The following MYPN variants were observed in gnomAD, a reference collection of about 807,000 sequenced individuals.
MYPN encodes the protein sarcomeric protein myopalladin, 145 kDa (MYOP).
A neutral mutation model predicts 129.4 loss-of-function variants in MYPN; 63 were observed. The ratio of observed to expected loss-of-function variants is 0.49; its 90% CI spans 0.40 to 0.60. The LOEUF (loss-of-function observed/expected upper bound fraction) is 0.60, where lower values mean the gene tolerates loss of function less well. Ranked by LOEUF, MYPN falls within the 20% of genes least tolerant of loss-of-function variation. The pLI is 0.00. For missense variants in MYPN, 1,596 were observed against 1,635.4 expected, an observed-to-expected ratio of 0.98 and a Z score of 0.42; for synonymous variants, 629 against 600.9, an observed-to-expected ratio of 1.05 and a Z score of -0.68.
chr10:68,143,368 T>A (rs2042607407), intron 3 of MYPN, among the ~76,000 whole-genome samples: 1 of 152,054 alleles, frequency 6.6e-6, no homozygotes, highest in African/African-American at 2.4e-5. Flanking sequence ...CTGTGAAAGA[T>A]ACAAAAACCA....
intron 13 of MYPN, among the ~76,000 whole-genome samples, chr10:68,190,911 T>C (rs2394453): frequency 0.23 from 34,312 of 152,090 alleles, 4,129 homozygotes; most frequent in Middle Eastern, 0.28. Flanking sequence ...TATGGGTATT[T>C]AGTTTTCCTA....
chr10:68,159,180 C>T (rs989414012), intron 7 of MYPN, among the ~76,000 whole-genome samples: 1 of 152,178 alleles, frequency 6.6e-6, no homozygotes, highest in African/African-American at 2.4e-5. Context: ...CACAATTAAT[C>T]AGCCAAAATG....
At chr10:68,179,213 A>C (rs559616947) in intron 12 of MYPN, among the ~76,000 whole-genome samples, 1 of 152,276 alleles carries the variant, frequency 6.6e-6, no homozygotes, top group East Asian at 1.9e-4. Context: ...CATGCCATTC[A>C]TTCCCTTTCT....
chr10:68,103,937 T>C (rs1227046091), upstream of MYPN, among the ~76,000 whole-genome samples: 1 of 151,938 alleles, frequency 6.6e-6, no homozygotes, highest in Non-Finnish European at 1.5e-5. Flanking sequence ...GCAACAAGAG[T>C]GAAACTCTGT....
At position 68,210,224 on chromosome 10, in the gene MYPN, T is replaced by G. The variant is rs1388267490; in HGVS notation, c.3794-62T>G. 2.5e-6 allele frequency: 4 copies of G among 1,578,994 alleles called. No individual in the cohort carries two copies. In the East Asian group the frequency reaches 8.9e-5, roughly 35 times the overall value. ...TCGGGGTGAGGACAGAATGCACCTCTGCAGCGTACATGCTGGACTGCATTC... is the reference window on the plus strand; with the variant it reads ...TCGGGGTGAGGACAGAATGCACCTCGGCAGCGTACATGCTGGACTGCATTC... On this transcript the variant is annotated intron_variant, in intron 19 of 19. Transcript: ENST00000358913.
rs1316224069 is a variant in MYPN, at chr10:68,168,864, G to A, written c.1973+2198G>A. On this transcript the variant is annotated intron_variant, in intron 10 of 19. Coordinates refer to ENST00000358913, the MANE Select transcript of MYPN (RefSeq NM_032578.4). ...TCAAATTAGCCAGGTGTGGTGGCGC[G>A]TGCCTTTAATCCCAGCTACTCAGGA... 7.2e-5 allele frequency among the ~76,000 whole-genome samples: 11 copies of A among 151,878 alleles called. No homozygotes were observed. In the South Asian group the frequency reaches 1.7e-3, roughly 23 times the overall value.
chr10:68,142,153 A>G (rs1589549277), intron 2 of MYPN, among the ~76,000 whole-genome samples: 1 of 152,330 alleles, frequency 6.6e-6, no homozygotes, highest in African/African-American at 2.4e-5. Flanking sequence ...CACAGGGTTT[A>G]TGCCATTCAC....
chr10:68,182,222 A>C lies in MYPN; in HGVS notation c.2704-6683A>C, dbSNP rs529560081. Among the ~76,000 whole-genome samples, 40 of 96,556 alleles carry C rather than the reference A, an allele frequency of 4.1e-4. 1 individual carries two copies. The highest frequency in any genetic ancestry group is 1.4e-3 in the African/African-American group (39 of 27,996). The allele number at this position is 96,556 out of a possible 152,430, so 63.3% of individuals were successfully genotyped here. A position where few individuals can be genotyped will look rare whatever the true frequency, so the allele number is the denominator to read the frequency against. The stretch of plus-strand genomic sequence containing the variant: ...GGTTACTAATGTTATATATATATAT[A>C]ACACATATATATATAACATATATAT... On this transcript the variant is annotated intron_variant, in intron 12 of 19. Transcript: ENST00000358913.
chr10:68,175,187 T>C, intron 11 of MYPN, 136 bp from the exon 12 acceptor site: 1 of 953,640 alleles, frequency 1.0e-6, no homozygotes, highest in Non-Finnish European at 1.6e-6. Context: ...ATACCGATTC[T>C]CTGCACAGGG....
At chr10:68,207,714 C>T (rs1263554469) in intron 19 of MYPN, among the ~76,000 whole-genome samples, 3 of 152,164 alleles carry the variant, frequency 2.0e-5, no homozygotes, top group African/African-American at 4.8e-5. Flanking sequence ...TCCCCTCTCT[C>T]GTCCAAAGGC....
In MYPN at chr10:68,174,034, C is replaced by A. The variant is rs776839675; in HGVS notation, c.1974-32C>A. 4.6e-6 allele frequency: 7 copies of A among 1,516,204 alleles called. No individual in the cohort carries two copies. The South Asian group carries it at 7.9e-5, about 17-fold the overall frequency. The allele number at this position is 1,516,204 out of a possible 1,614,324, so 93.9% of individuals were successfully genotyped here. A position where few individuals can be genotyped will look rare whatever the true frequency, so the allele number is the denominator to read the frequency against. On this transcript the variant is annotated intron_variant, in intron 10 of 19. Transcript: ENST00000358913. ...GGTGAGGCCAATAATAACACATTTCCTTCTCTCTCTCCACCCTTGTTTTGT... is the reference window on the plus strand; with the variant it reads ...GGTGAGGCCAATAATAACACATTTCATTCTCTCTCTCCACCCTTGTTTTGT...
intron 17 of MYPN, 112 bp downstream of exon 17, chr10:68,199,687 A>C: frequency 2.8e-6 from 3 of 1,064,580 alleles, no homozygotes; most frequent in Non-Finnish European, 4.3e-6. Flanking sequence ...CTCCAATCTC[A>C]ATTTCCCCTT....
At chr10:68,136,880 A>C in intron 2 of MYPN, 2 of 872,146 alleles carry the variant, frequency 2.3e-6, no homozygotes, top group Non-Finnish European at 3.3e-6. Flanking sequence ...ATTAAAGAAC[A>C]GACCATTTTC....
chr10:68,210,817 G>A lies in MYPN; in HGVS notation c.*362G>A. The A allele has an allele frequency of 2.2e-6, 1 of 462,072 alleles. No homozygotes were observed. Among genetic ancestry groups the A allele is most frequent in the South Asian group, 1.6e-5 (1 of 64,428 alleles). The allele number at this position is 462,072 out of a possible 1,614,324, so 28.6% of individuals were successfully genotyped here. ...ATTAGGAGCCATATGCCTGGGCTGA[G>A]AAGAGCTAGGCAGTAGTGACCTTAG... On this transcript the variant is annotated 3_prime_UTR_variant, in exon 20 of 20. Coordinates refer to ENST00000358913, the MANE Select transcript of MYPN (RefSeq NM_032578.4).
In MYPN at chr10:68,195,862, G is replaced by A. The variant is rs138830170; in HGVS notation, c.3158+330G>A. On this transcript the variant is annotated intron_variant, in intron 15 of 19. Coordinates refer to ENST00000358913, the MANE Select transcript of MYPN (RefSeq NM_032578.4). The stretch of plus-strand genomic sequence containing the variant: ...TTGTTGCCCAGGCTGGAGTGCAGTC[G>A]TGTGATCATAGCTCACTGCAACCTC... Among the ~76,000 whole-genome samples, 768 of 152,056 alleles carry A rather than the reference G, an allele frequency of 5.1e-3. 4 individuals carry two copies. The highest frequency in any genetic ancestry group is 0.01 in the Middle Eastern group (3 of 294).
chr10:68,097,812 G>A (rs2041963693), intron 1 of MYPN, among the ~76,000 whole-genome samples: 1 of 151,070 alleles, frequency 6.6e-6, no homozygotes, highest in Admixed American at 6.6e-5. Flanking sequence ...ACCAAATGGG[G>A]CATATATCAA....
intron 2 of MYPN, among the ~76,000 whole-genome samples, chr10:68,129,100 G>A (rs980986380): frequency 3.3e-5 from 5 of 151,976 alleles, no homozygotes; most frequent in Non-Finnish European, 5.9e-5. Context: ...GACCAGCAGC[G>A]TCAGCTTCAC....
At chr10:68,141,919 G>A (rs766535711) in intron 2 of MYPN, among the ~76,000 whole-genome samples, 3 of 152,120 alleles carry the variant, frequency 2.0e-5, no homozygotes, top group Non-Finnish European at 2.9e-5. Context: ...GATCATTCTC[G>A]TCTTCTTTTT....
Position 68,154,176 on chromosome 10 carries a change from A to G in MYPN, c.1317+4065A>G, listed in dbSNP as rs2134116673. Among the ~76,000 whole-genome samples the G allele has an allele frequency of 2.0e-5, 3 of 152,304 alleles. 1 individual carries two copies. In the South Asian group the frequency reaches 6.2e-4, roughly 32 times the overall value. The stretch of plus-strand genomic sequence containing the variant: ...AGAGATAGACTATCCTCCATCCTCT[A>G]CGCAGTATCAAAAAAACTTTTGCTC... On this transcript the variant is annotated intron_variant, in intron 6 of 19. Coordinates refer to ENST00000358913, the MANE Select transcript of MYPN (RefSeq NM_032578.4).
Sources: gnomAD v4.1 joint callset for allele counts (sites outside exome capture counted in the v4.1 genomes callset) on GRCh38, gnomAD v4.1.1 for gene constraint, MANE v1.5 for transcripts, NCBI Gene and HGNC (gene_info 2026-07-23, HGNC 2026-07-21) for gene names.